The following MGAT4C variants were observed in gnomAD, a reference collection of about 807,000 sequenced individuals.
MGAT4C encodes the protein MGAT4 family member C, also known as alpha-1,3-mannosyl-glycoprotein 4-beta-N-acetylglucosaminyltransferase C.
In MGAT4C, 19 loss-of-function variants were observed where a neutral mutation model predicts 40.1. The ratio of observed to expected loss-of-function variants is 0.47; its 90% CI spans 0.33 to 0.70. The LOEUF (loss-of-function observed/expected upper bound fraction) is 0.70, where lower values mean the gene tolerates loss of function less well. Ranked by LOEUF, MGAT4C falls within the 30% of genes least tolerant of loss-of-function variation. MGAT4C has a pLI of 0.02. For missense variants in MGAT4C, 491 were observed against 563.2 expected (o/e 0.87, Z 1.30); for synonymous variants, 181 against 187.1 (o/e 0.97, Z 0.27).
chr12:86,511,992 A>G (rs1958596589), intron 2 of MGAT4C, among the ~76,000 whole-genome samples: 1 of 152,258 alleles, frequency 6.6e-6, no homozygotes, highest in Admixed American at 6.5e-5. Context: ...TGCAATCCAT[A>G]TATCTGATAA....
At chr12:86,531,626 A>T (rs1958985954) in intron 2 of MGAT4C, among the ~76,000 whole-genome samples, 1 of 152,006 alleles carries the variant, frequency 6.6e-6, no homozygotes, top group Non-Finnish European at 1.5e-5. Context: ...CTTTACATCC[A>T]TTCAGTTATG....
At chr12:86,552,623 C>T (rs897515876) in intron 2 of MGAT4C, among the ~76,000 whole-genome samples, 1 of 151,954 alleles carries the variant, frequency 6.6e-6, no homozygotes, top group Non-Finnish European at 1.5e-5. Flanking sequence ...TCAAATATCA[C>T]TATGTACTTC....
intron 1 of MGAT4C, among the ~76,000 whole-genome samples, chr12:86,214,050 T>G (rs2135967622): frequency 6.6e-6 from 1 of 152,352 alleles, no homozygotes; most frequent in Non-Finnish European, 1.5e-5. Context: ...ACCACTCTTC[T>G]ATGGACTCCC....
At chr12:86,140,413 C>T (rs184537278) in intron 1 of MGAT4C, among the ~76,000 whole-genome samples, 1,764 of 152,168 alleles carry the variant, frequency 0.012, 20 homozygotes, top group Non-Finnish European at 0.017. Context: ...AACCAAACAC[C>T]GCATGTTCTC....
At chr12:86,112,715 T>C (rs1429089646) in intron 1 of MGAT4C, among the ~76,000 whole-genome samples, 2 of 151,702 alleles carry the variant, frequency 1.3e-5, no homozygotes, top group Non-Finnish European at 2.9e-5. Flanking sequence ...ATAGTAGCCA[T>C]GAAATAATTA....
intron 3 of MGAT4C, among the ~76,000 whole-genome samples, chr12:86,414,797 T>C (rs1956675409): frequency 6.6e-6 from 1 of 152,108 alleles, no homozygotes; most frequent in Non-Finnish European, 1.5e-5. Flanking sequence ...TTCAAGCCAC[T>C]TTTTTTGAAC....
intron 1 of MGAT4C, among the ~76,000 whole-genome samples, chr12:86,807,562 T>C (rs986632565): frequency 6.6e-6 from 1 of 152,158 alleles, no homozygotes; most frequent in African/African-American, 2.4e-5. Flanking sequence ...TATTTGCTAT[T>C]GTGAATAGCG....
At chr12:86,293,080 A>G (rs1174241936) in intron 4 of MGAT4C, among the ~76,000 whole-genome samples, 2 of 152,202 alleles carry the variant, frequency 1.3e-5, no homozygotes, top group Non-Finnish European at 2.9e-5. Context: ...CTGGTGAATA[A>G]GATTTCTATA....
At chr12:86,085,576 C>T (rs1465757960) in intron 1 of MGAT4C, among the ~76,000 whole-genome samples, 1 of 151,684 alleles carries the variant, frequency 6.6e-6, no homozygotes, top group African/African-American at 2.4e-5. Flanking sequence ...GGTACCAGTA[C>T]CATGCTATCG....
chr12:86,678,535 C>T (rs1444645218), intron 2 of MGAT4C, among the ~76,000 whole-genome samples: 2 of 150,502 alleles, frequency 1.3e-5, no homozygotes, highest in Non-Finnish European at 3.0e-5. Flanking sequence ...CCCATTAACT[C>T]GTCATTTAGC....
intron 1 of MGAT4C, among the ~76,000 whole-genome samples, chr12:86,207,357 G>A (rs1950297618): frequency 6.6e-6 from 1 of 151,914 alleles, no homozygotes; most frequent in African/African-American, 2.4e-5. Context: ...ATGTGCCATG[G>A]TGGTTCATTG....
At chr12:86,205,913 C>T (rs1474306024) in intron 1 of MGAT4C, among the ~76,000 whole-genome samples, 2 of 150,526 alleles carry the variant, frequency 1.3e-5, no homozygotes, top group South Asian at 2.1e-4. Flanking sequence ...AAAGTTAGTC[C>T]ATTTTCTTAC....
Position 86,468,665 on chromosome 12 carries a change from T to G in MGAT4C, c.-228-33400A>C, listed in dbSNP as rs1356556261. ...ATAACCCTTGTTATTTCTCCAACTT[T>G]CTCTTCTACAACATTTCCCCTTCCT... On this transcript the variant is annotated intron_variant, in intron 2 of 7. Coordinates refer to the MGAT4C transcript ENST00000548651. Among the ~76,000 whole-genome samples the G allele has an allele frequency of 2.0e-5, 3 of 152,264 alleles. No individual in the cohort carries two copies. The East Asian group carries it at 5.8e-4, about 29-fold the overall frequency.
intron 1 of MGAT4C, among the ~76,000 whole-genome samples, chr12:86,123,896 G>T (rs1879839038): frequency 6.6e-6 from 1 of 151,978 alleles, no homozygotes; most frequent in South Asian, 2.1e-4. Flanking sequence ...CCTTGTATGT[G>T]CATTTTACTT....
chr12:86,583,601 G>A (rs115329743), intron 2 of MGAT4C, among the ~76,000 whole-genome samples: 258 of 151,054 alleles, frequency 1.7e-3, no homozygotes, highest in African/African-American at 5.9e-3. Context: ...GTACCACAAA[G>A]TTTAACTATT....
chr12:86,572,627 T>C lies in MGAT4C; in HGVS notation c.-228-137362A>G, dbSNP rs578215561. Among the ~76,000 whole-genome samples, 16 of 152,264 alleles carry C rather than the reference T, an allele frequency of 1.1e-4. No individual in the cohort carries two copies. The East Asian group carries it at 3.1e-3, about 29-fold the overall frequency. ...TCTAAATGTGTCCTGCTGTTGCATA[T>C]GACCTTTGTATTTTTATGCACAGTC... On this transcript the variant is annotated intron_variant, in intron 2 of 7. Transcript: ENST00000548651.
chr12:86,637,174 G>A (rs889083714), intron 2 of MGAT4C, among the ~76,000 whole-genome samples: 2 of 151,822 alleles, frequency 1.3e-5, no homozygotes, highest in Non-Finnish European at 2.9e-5. Context: ...ATTCCCATGG[G>A]CAATAGCCTC....
intron 1 of MGAT4C, among the ~76,000 whole-genome samples, chr12:86,743,829 AT>A (rs1274147749): frequency 2.0e-5 from 3 of 151,550 alleles, no homozygotes; most frequent in Non-Finnish European, 4.4e-5. Context: ...ATTTACTTTT[AT>A]TTTTCACAGT....
chr12:86,257,553 T>G (rs1205578718), upstream of MGAT4C, among the ~76,000 whole-genome samples: 2 of 152,220 alleles, frequency 1.3e-5, no homozygotes, highest in Non-Finnish European at 2.9e-5. Context: ...TCACCAACAG[T>G]GCACTTGCAT....
Sources: gnomAD v4.1 joint callset for allele counts (sites outside exome capture counted in the v4.1 genomes callset) on GRCh38, gnomAD v4.1.1 for gene constraint, MANE v1.5 for transcripts, NCBI Gene and HGNC (gene_info 2026-07-23, HGNC 2026-07-21) for gene names.